The following CNTN6 variants were observed in gnomAD, a reference collection of about 807,000 sequenced individuals.
CNTN6 encodes contactin 6.
CNTN6 carries 137 observed loss-of-function variants against 122.8 expected under a neutral mutation model. The ratio of observed to expected loss-of-function variants is 1.12; its 90% CI spans 0.97 to 1.29. The LOEUF (loss-of-function observed/expected upper bound fraction) is 1.29, where lower values mean the gene tolerates loss of function less well. Among genes scored for constraint, CNTN6 ranks in the 50% most tolerant of loss-of-function variants. The pLI, the probability that CNTN6 is intolerant of heterozygous loss-of-function variation, is 0.00. For missense variants in CNTN6, 1,634 were observed against 1,223.4 expected (o/e 1.34, Z -5.01); for synonymous variants, 570 against 426.0 (o/e 1.34, Z -4.16).
intron 16 of CNTN6, among the ~76,000 whole-genome samples, chr3:1,375,708 C>G (rs1324507656): frequency 6.6e-6 from 1 of 152,090 alleles, no homozygotes; most frequent in East Asian, 1.9e-4. Flanking sequence ...CATTGGAAGT[C>G]TTAGAAAATA....
intron 1 of CNTN6, among the ~76,000 whole-genome samples, chr3:1,107,200 A>G (rs577132424): frequency 6.6e-6 from 1 of 152,260 alleles, no homozygotes; most frequent in African/African-American, 2.4e-5. Context: ...TAATGATCAC[A>G]ATGATACTAG....
chr3:1,278,322 C>G, intron 4 of CNTN6, 91 bp from the exon 5 acceptor site: 1 of 897,546 alleles, frequency 1.1e-6, no homozygotes, highest in South Asian at 1.8e-5. Flanking sequence ...ATTAATTCCC[C>G]TTAATAATAA....
intron 2 of CNTN6, among the ~76,000 whole-genome samples, chr3:1,152,312 G>C (rs1464669243): frequency 6.6e-6 from 1 of 151,814 alleles, no homozygotes; most frequent in African/African-American, 2.4e-5. Flanking sequence ...CTAATTTTTT[G>C]TATTTTAGTA....
chr3:1,277,408 G>GTAT (rs1692600405), intron 4 of CNTN6, among the ~76,000 whole-genome samples: 1 of 121,062 alleles, frequency 8.3e-6, no homozygotes, highest in African/African-American at 3.1e-5. Flanking sequence ...CTCTCAGGCT[G>GTAT]GAGTACAGTG....
intron 17 of CNTN6, among the ~76,000 whole-genome samples, chr3:1,377,817 G>A (rs1255429950): frequency 1.3e-5 from 2 of 152,178 alleles, no homozygotes; most frequent in African/African-American, 2.4e-5. Flanking sequence ...GTTGGTAGGG[G>A]AGGAGAAAGG....
At chr3:1,288,833 A>G (rs151113946) in intron 5 of CNTN6, among the ~76,000 whole-genome samples, 155 of 152,286 alleles carry the variant, frequency 1.0e-3, no homozygotes, top group African/African-American at 3.6e-3. Flanking sequence ...ACATAATCAC[A>G]CTCTGGGGAA....
At chr3:1,116,661 A>C (rs979465994) in intron 1 of CNTN6, among the ~76,000 whole-genome samples, 2 of 151,420 alleles carry the variant, frequency 1.3e-5, no homozygotes, top group Admixed American at 1.3e-4. Flanking sequence ...TTACCTGTTA[A>C]AATTGGATGC....
At chr3:1,231,487 G>A (rs1208115071) in intron 4 of CNTN6, among the ~76,000 whole-genome samples, 1 of 152,074 alleles carries the variant, frequency 6.6e-6, no homozygotes, top group African/African-American at 2.4e-5. Flanking sequence ...CTTTTATCCT[G>A]GTATTCAGTA....
At chr3:1,147,463 T>G (rs2092747329) in intron 1 of CNTN6, among the ~76,000 whole-genome samples, 1 of 152,152 alleles carries the variant, frequency 6.6e-6, no homozygotes, top group South Asian at 2.1e-4. Flanking sequence ...TTTATGAGTT[T>G]AGGAGTTTTT....
intron 5 of CNTN6, among the ~76,000 whole-genome samples, chr3:1,282,383 G>A (rs1693620892): frequency 6.6e-6 from 1 of 152,140 alleles, no homozygotes; most frequent in Non-Finnish European, 1.5e-5. Context: ...AATAACCTAA[G>A]CAATAATGCC....
intron 2 of CNTN6, among the ~76,000 whole-genome samples, chr3:1,152,464 T>C (rs994420203): frequency 6.6e-6 from 1 of 152,090 alleles, no homozygotes; most frequent in African/African-American, 2.4e-5. Flanking sequence ...TTTTAATAAA[T>C]ACTGAACAAT....
chr3:1,122,371 GAA>G (rs1491426743), intron 1 of CNTN6, among the ~76,000 whole-genome samples: 25 of 144,714 alleles, frequency 1.7e-4, no homozygotes, highest in Non-Finnish European at 3.0e-4. Context: ...AGGAAGGAAG[GAA>G]GGAAGGGAGG....
Position 1,325,832 on chromosome 3 carries a change from C to T in CNTN6, c.964C>T (p.Gln322Ter). ...TGAAACAGCTCCTCCAGAATGGGAA[C>T]AGAAAATCCAAAATACACACCTCTC... ...LIFYAPPEWE[Q>*]KIQNTHLSIY... Residue 322 changes from glutamine (Q) to a stop codon, truncating the protein, a stop_gained, in exon 9 of 23, where the codon CAG becomes TAG. Coordinates refer to ENST00000446702, the MANE Select transcript of CNTN6 (RefSeq NM_001289080.2). LOFTEE classifies it high-confidence loss of function. 1 of 1,610,066 alleles carries T rather than the reference C, an allele frequency of 6.2e-7. No homozygotes were observed. Among genetic ancestry groups the T allele is most frequent in the Non-Finnish European group, 8.5e-7 (1 of 1,178,124 alleles).
chr3:1,239,393 A>C (rs1323233904), intron 4 of CNTN6, among the ~76,000 whole-genome samples: 4 of 152,094 alleles, frequency 2.6e-5, no homozygotes, highest in Non-Finnish European at 4.4e-5. Context: ...GCTGAAAATC[A>C]AATCAAGAAC....
At chr3:1,216,720 G>T (rs1377437017) in intron 2 of CNTN6, among the ~76,000 whole-genome samples, 2 of 152,108 alleles carry the variant, frequency 1.3e-5, no homozygotes. Context: ...TACACTTCTA[G>T]GTCACTGAGG....
chr3:1,186,751 A>G (rs868703587), intron 2 of CNTN6, among the ~76,000 whole-genome samples: 38 of 151,852 alleles, frequency 2.5e-4, no homozygotes, highest in Admixed American at 7.9e-4. Context: ...CCCTTTCTCA[A>G]TGGTTAAGTG....
At chr3:1,264,269 C>A (rs575731913) in intron 4 of CNTN6, among the ~76,000 whole-genome samples, 36 of 152,064 alleles carry the variant, frequency 2.4e-4, no homozygotes, top group Non-Finnish European at 4.1e-4. Context: ...GGCGCTGATA[C>A]AAACAAACGG....
At chr3:1,336,604 A>G (rs1392259860) in intron 11 of CNTN6, among the ~76,000 whole-genome samples, 1 of 152,146 alleles carries the variant, frequency 6.6e-6, no homozygotes, top group Non-Finnish European at 1.5e-5. Context: ...TTATCAAATC[A>G]TGGATTCTGT....
chr3:1,190,783 C>T (rs544184244), intron 2 of CNTN6, among the ~76,000 whole-genome samples: 1 of 152,232 alleles, frequency 6.6e-6, no homozygotes, highest in East Asian at 1.9e-4. Context: ...CTTTTTGACG[C>T]GTGACTCACT....
Sources: gnomAD v4.1 joint callset for allele counts (sites outside exome capture counted in the v4.1 genomes callset) on GRCh38, gnomAD v4.1.1 for gene constraint, MANE v1.5 for transcripts, NCBI Gene and HGNC (gene_info 2026-07-23, HGNC 2026-07-21) for gene names.